Variants in SSBP3 observed in about 807,000 individuals in gnomAD.
SSBP3 encodes single stranded DNA binding protein 3.
A neutral mutation model predicts 69.6 loss-of-function variants in SSBP3; 5 were observed. That is an observed-to-expected ratio of 0.07 (90% confidence interval 0.04 to 0.15). The LOEUF is 0.15. Ranked by LOEUF, SSBP3 falls within the 10% of genes least tolerant of loss-of-function variation. SSBP3 has a pLI of 1.00. For missense variants in SSBP3, 312 were observed against 534.0 expected, an observed-to-expected ratio of 0.58 and a Z score of 4.10; for synonymous variants, 196 against 193.4, an observed-to-expected ratio of 1.01 and a Z score of -0.11.
chr1:54,233,153 G>A (rs1453606430), intron 14 of SSBP3, among the ~76,000 whole-genome samples: 11 of 150,736 alleles, frequency 7.3e-5, no homozygotes, highest in East Asian at 4.0e-4. Context: ...CTTCCCGGCC[G>A]CCATCACATC....
chr1:54,254,018 G>C (rs1004237681), intron 7 of SSBP3, among the ~76,000 whole-genome samples: 8 of 152,196 alleles, frequency 5.3e-5, no homozygotes, highest in Non-Finnish European at 1.2e-4. Flanking sequence ...AGACAGTCTG[G>C]GCCTCTTCTA....
intron 4 of SSBP3, among the ~76,000 whole-genome samples, chr1:54,318,638 G>A (rs760369190): frequency 1.6e-4 from 24 of 152,118 alleles, no homozygotes; most frequent in Non-Finnish European, 2.9e-4. Context: ...GGAGGCACAG[G>A]CTGTAAGGAA....
At chr1:54,252,158 C>A (rs1644841943) in intron 7 of SSBP3, among the ~76,000 whole-genome samples, 1 of 152,194 alleles carries the variant, frequency 6.6e-6, no homozygotes, top group Non-Finnish European at 1.5e-5. Context: ...TGAAGTGAGG[C>A]AGGAGACCAA....
intron 4 of SSBP3, among the ~76,000 whole-genome samples, chr1:54,383,507 G>C (rs1274457304): frequency 1.3e-5 from 2 of 152,190 alleles, no homozygotes; most frequent in Non-Finnish European, 2.9e-5. Flanking sequence ...AGAGACCACA[G>C]CTCCAAGCCC....
At chr1:54,315,751 C>T (rs2100322296) in intron 4 of SSBP3, among the ~76,000 whole-genome samples, 1 of 152,234 alleles carries the variant, frequency 6.6e-6, no homozygotes, top group South Asian at 2.1e-4. Flanking sequence ...AGCCTCAAAC[C>T]CCCAAGCTCA....
chr1:54,332,970 T>C lies in SSBP3; in HGVS notation c.277-51443A>G, dbSNP rs537864777. The stretch of plus-strand genomic sequence containing the variant: ...CGCGTGCGCCTCCTCCCACGCAGCA[T>C]TGTTCCCCTGTGTCACTGTCAGCAG... On this transcript the variant is annotated intron_variant, in intron 4 of 17. Transcript: ENST00000610401. Among the ~76,000 whole-genome samples, 202 of 152,250 alleles carry C rather than the reference T, an allele frequency of 1.3e-3. 2 individuals are homozygous for C. The highest frequency in any genetic ancestry group is 4.6e-3 in the African/African-American group (193 of 41,546).
chr1:54,335,560 C>T (rs1010992515), intron 4 of SSBP3, among the ~76,000 whole-genome samples: 3 of 152,158 alleles, frequency 2.0e-5, no homozygotes, highest in Admixed American at 6.5e-5. Flanking sequence ...ATCATGTGTC[C>T]GGCCAGACTT....
At chr1:54,241,564 G>C in intron 11 of SSBP3, 55 bp from the exon 12 acceptor site, 1 of 1,581,726 alleles carries the variant, frequency 6.3e-7, no homozygotes, top group Non-Finnish European at 8.7e-7. Context: ...GCCCTCAGCT[G>C]CCAAACCTCC....
intron 14 of SSBP3, 125 bp downstream of exon 14, chr1:54,239,004 T>C (rs1179211218): frequency 4.2e-6 from 3 of 720,380 alleles, no homozygotes; most frequent in Non-Finnish European, 6.7e-6. Context: ...TTTCTGACGG[T>C]TTATTTTATT....
intron 4 of SSBP3, among the ~76,000 whole-genome samples, chr1:54,399,253 C>T (rs938737015): frequency 7.2e-5 from 11 of 152,246 alleles, no homozygotes; most frequent in African/African-American, 2.7e-4. Context: ...TGGAATAGTG[C>T]CAACAAATGG....
chr1:54,265,263 T>C (rs1220867972), intron 5 of SSBP3, among the ~76,000 whole-genome samples: 1 of 152,124 alleles, frequency 6.6e-6, no homozygotes. Context: ...TTTCAACCCA[T>C]GGGAATGAAC....
At chr1:54,256,200 T>C (rs1242890202) in intron 7 of SSBP3, among the ~76,000 whole-genome samples, 1 of 150,682 alleles carries the variant, frequency 6.6e-6, no homozygotes, top group East Asian at 1.9e-4. Context: ...CAGACAATGC[T>C]AATTTAGCTG....
intron 5 of SSBP3, among the ~76,000 whole-genome samples, chr1:54,280,657 T>C (rs1236974232): frequency 6.6e-6 from 1 of 151,854 alleles, no homozygotes; most frequent in Admixed American, 6.6e-5. Context: ...CTCTCTAAGA[T>C]GGCATTCCCC....
At chr1:54,308,221 A>G (rs1645934454) in intron 4 of SSBP3, among the ~76,000 whole-genome samples, 1 of 152,226 alleles carries the variant, frequency 6.6e-6, no homozygotes, top group Non-Finnish European at 1.5e-5. Context: ...TGGGAGGCAG[A>G]GGCAGGCAGA....
chr1:54,244,267 CT>C (rs1644695342), intron 9 of SSBP3, among the ~76,000 whole-genome samples: 1 of 152,138 alleles, frequency 6.6e-6, no homozygotes, highest in Non-Finnish European at 1.5e-5. Flanking sequence ...CCATGTCGGG[CT>C]GATATTTGTA....
intron 4 of SSBP3, among the ~76,000 whole-genome samples, chr1:54,306,182 T>C (rs1446404200): frequency 6.6e-6 from 1 of 152,036 alleles, no homozygotes; most frequent in African/African-American, 2.4e-5. Flanking sequence ...GATCCAGTCT[T>C]GCCGGCAGCA....
At chr1:54,323,117 T>C (rs1238657111) in intron 4 of SSBP3, among the ~76,000 whole-genome samples, 1 of 152,082 alleles carries the variant, frequency 6.6e-6, no homozygotes, top group South Asian at 2.1e-4. Context: ...ACAGGGCCCT[T>C]CAATCTCCCA....
chr1:54,243,297 A>T (rs1644674548), exon 10 of SSBP3: 1 of 1,613,986 alleles, frequency 6.2e-7, no homozygotes, highest in South Asian at 1.1e-5. Context: ...CGCTGCCGTA[A>T]TTCTGCAACG....
At chr1:54,318,309 A>G (rs563384950) in intron 4 of SSBP3, among the ~76,000 whole-genome samples, 1 of 152,314 alleles carries the variant, frequency 6.6e-6, no homozygotes, top group East Asian at 1.9e-4. Flanking sequence ...AGAGAGCCAT[A>G]ATTTTCAATA....
Sources: gnomAD v4.1 joint callset for allele counts (sites outside exome capture counted in the v4.1 genomes callset) on GRCh38, gnomAD v4.1.1 for gene constraint, MANE v1.5 for transcripts, NCBI Gene and HGNC (gene_info 2026-07-23, HGNC 2026-07-21) for gene names.